The following SYNE2 variants were observed in gnomAD, a reference collection of about 807,000 sequenced individuals.
The protein encoded by SYNE2 is nesprin-2.
A neutral mutation model predicts 856.3 loss-of-function variants in SYNE2; 431 were observed. That is an observed-to-expected ratio of 0.50 (90% CI 0.47 to 0.55). SYNE2 has a LOEUF of 0.55. Among genes scored for constraint, SYNE2 ranks in the 20% least tolerant of loss-of-function variants. The pLI is 0.00. For missense variants in SYNE2, 8,129 were observed against 8,023.2 expected (o/e 1.01, Z -0.50); for synonymous variants, 2,923 against 2,872.3 (o/e 1.02, Z -0.56).
At chr14:63,984,002 G>C (rs2096605945) in intron 18 of SYNE2, 116 bp downstream of exon 18, 1 of 751,286 alleles carries the variant, frequency 1.3e-6, no homozygotes, top group Non-Finnish European at 2.1e-6. Flanking sequence ...AGCACTTTGG[G>C]AGGACAAAAC....
chr14:63,905,572 C>T (rs749140870), intron 1 of SYNE2, among the ~76,000 whole-genome samples: 12 of 151,954 alleles, frequency 7.9e-5, no homozygotes, highest in South Asian at 2.1e-4. Context: ...CTATTGTAAA[C>T]GGGATTATGT....
intron 1 of SYNE2, among the ~76,000 whole-genome samples, chr14:63,779,611 T>A (rs2356994): frequency 0.13 from 19,885 of 151,792 alleles, 1,641 homozygotes; most frequent in African/African-American, 0.24. Context: ...CGAATGCAAA[T>A]AAATAAATAA....
rs1218902930 is a variant in SYNE2 at position 63,840,425 on chromosome 14, TCCTTCCTTCCTTCCTTCCTTCCTTCCTC to T, written c.-304-12072_-304-12045del. ...TTCCTTCCTTCCTTCCTTCCTTCCTTCCTTCCTTCCTTCCTTCCTTCCTTCCTCCCTCCCTCCCTCCTTCCTTCCTTTT... is the reference window on the plus strand; with the variant it reads ...TTCCTTCCTTCCTTCCTTCCTTCCTTCCTCCCTCCCTCCTTCCTTCCTTTT... On this transcript the variant is annotated intron_variant, in intron 1 of 23. Transcript: ENST00000674003. Among the ~76,000 whole-genome samples the T allele has an allele frequency of 1.9e-4, 17 of 89,648 alleles. 1 individual carries two copies. In the South Asian group the frequency reaches 4.5e-3, roughly 24 times the overall value. 58.8% of individuals were successfully genotyped at this position (89,648 alleles called of 152,430 possible). A position where few individuals can be genotyped will look rare whatever the true frequency, so the allele number is the denominator to read the frequency against.
At chr14:64,206,472 C>G (rs1450529712) in intron 100 of SYNE2, among the ~76,000 whole-genome samples, 4 of 151,028 alleles carry the variant, frequency 2.6e-5, no homozygotes, top group Admixed American at 2.6e-4. Context: ...TTTTTTTGTA[C>G]AAGGTAACTA....
At chr14:63,896,551 C>T (rs376375568) in intron 1 of SYNE2, among the ~76,000 whole-genome samples, 1 of 152,090 alleles carries the variant, frequency 6.6e-6, no homozygotes, top group African/African-American at 2.4e-5. Context: ...GGTTAGATTC[C>T]TTGGCAGGAA....
At position 64,210,095 on chromosome 14, in the gene SYNE2, C is replaced by T. The variant is rs772056587; in HGVS notation, c.18694C>T (p.Arg6232Trp). ...GNQRWDNLQRRVTAVLRRLRH... is the reference protein window; with the variant it reads ...GNQRWDNLQRWVTAVLRRLRH... ...CCAGCGCTGGGACAACCTTCAGAGGCGGGTCACAGCCGTCCTGCGGAGACT... is the reference window on the plus strand; with the variant it reads ...CCAGCGCTGGGACAACCTTCAGAGGTGGGTCACAGCCGTCCTGCGGAGACT... Residue 6232 changes from arginine to tryptophan, a missense_variant, in exon 103 of 116, where the codon CGG becomes TGG. Transcript: ENST00000555002. 2.5e-6 allele frequency: 4 copies of T among 1,613,818 alleles called. No individual in the cohort carries two copies. Among genetic ancestry groups the T allele is most frequent in the Non-Finnish European group, 3.4e-6 (4 of 1,179,930 alleles).
intron 49 of SYNE2, among the ~76,000 whole-genome samples, chr14:64,056,999 AT>A (rs1340326270): frequency 6.6e-6 from 1 of 151,290 alleles, no homozygotes; most frequent in Non-Finnish European, 1.5e-5. Context: ...TTAATTTTTA[AT>A]TTTTGTGAGT....
chr14:64,062,156 T>C (rs1282550238), intron 49 of SYNE2, among the ~76,000 whole-genome samples: 1 of 152,170 alleles, frequency 6.6e-6, no homozygotes, highest in East Asian at 1.9e-4. Context: ...ACAGTTCTTT[T>C]CTTGATTGTA....
At chr14:64,053,764 G>C (rs1567167829) in intron 48 of SYNE2, 107 bp downstream of exon 48, 1 of 1,111,852 alleles carries the variant, frequency 9.0e-7, no homozygotes. Context: ...GCCAAGTAGA[G>C]ACCAGCCTGG....
intron 8 of SYNE2, among the ~76,000 whole-genome samples, chr14:63,959,086 G>T (rs2096275576): frequency 6.6e-6 from 1 of 152,000 alleles, no homozygotes. Flanking sequence ...TCTCCAAGGA[G>T]CCCTGGCTCT....
chr14:64,216,457 A>G (rs1420997034), intron 108 of SYNE2, 70 bp downstream of exon 108: 2 of 1,557,740 alleles, frequency 1.3e-6, no homozygotes, highest in East Asian at 4.5e-5. Context: ...AGAGAGAGAG[A>G]TTTTGGTGTA....
At chr14:64,021,616 G>T in intron 36 of SYNE2, 101 bp downstream of exon 36, 1 of 1,467,228 alleles carries the variant, frequency 6.8e-7, no homozygotes, top group South Asian at 1.2e-5. Context: ...AAAAAAAGTC[G>T]AAGAAGAAAA....
At position 64,051,948 on chromosome 14, in the gene SYNE2, T is replaced by A. The variant is rs757326762; in HGVS notation, c.8035T>A (p.Phe2679Ile). Reference sequence around the variant, plus strand: ...TGACCTCCAGGCTACCAAGCATGGATTTTCTGTTTTAAAGGGGCAAGCTGA... The same window carrying A: ...TGACCTCCAGGCTACCAAGCATGGAATTTCTGTTTTAAAGGGGCAAGCTGA... ...TTDLQATKHG[F>I]SVLKGQAELQ... Residue 2679 changes from phenylalanine (F) to isoleucine (I), a missense_variant, in exon 48 of 116, where the codon TTT becomes ATT. By Grantham distance (21) the Phe-to-Ile change is conservative. Coordinates refer to ENST00000555002, the MANE Select transcript of SYNE2 (RefSeq NM_182914.3). 4.3e-6 allele frequency: 7 copies of A among 1,613,828 alleles called. No individual in the cohort carries two copies. In the South Asian group the frequency reaches 7.7e-5, roughly 18 times the overall value.
chr14:63,887,749 C>CTTTTT (rs11450102), intron 1 of SYNE2, among the ~76,000 whole-genome samples: 9 of 108,272 alleles, frequency 8.3e-5, no homozygotes, highest in African/African-American at 2.0e-4. Flanking sequence ...GTGAGTCCTG[C>CTTTTT]TTTTTTTTTT....
At chr14:64,140,920 C>T (rs1445573600) in intron 80 of SYNE2, among the ~76,000 whole-genome samples, 1 of 150,886 alleles carries the variant, frequency 6.6e-6, no homozygotes, top group African/African-American at 2.4e-5. Flanking sequence ...TTTCATACTT[C>T]GTAGCTATGA....
intron 89 of SYNE2, among the ~76,000 whole-genome samples, chr14:64,164,874 TTTTG>T (rs1555520749): frequency 0.023 from 3,447 of 150,946 alleles, 48 homozygotes; most frequent in African/African-American, 0.038. Flanking sequence ...TTTTGTTTTT[TTTTG>T]TTTGTTTGTT....
In SYNE2 at chr14:64,141,338, T is replaced by C. The variant is rs1443706164; in HGVS notation, c.14977-3T>C. 5 of 1,612,202 alleles carry C rather than the reference T, an allele frequency of 3.1e-6. No individual in the cohort carries two copies. Among genetic ancestry groups the C allele is most frequent in the South Asian group, 1.1e-5 (1 of 90,578 alleles). On this transcript the variant is annotated splice_region_variant and splice_polypyrimidine_tract_variant and intron_variant, in intron 80 of 115. Transcript: ENST00000555002. ...GTTTCTAAATTTTAAAACTCTCCTTTAGGAGTTTTCAAAAGAAGTTGATGA... is the reference window on the plus strand; with the variant it reads ...GTTTCTAAATTTTAAAACTCTCCTTCAGGAGTTTTCAAAAGAAGTTGATGA...
intron 1 of SYNE2, among the ~76,000 whole-genome samples, chr14:63,875,149 G>A (rs960224442): frequency 6.6e-6 from 1 of 152,088 alleles, no homozygotes; most frequent in African/African-American, 2.4e-5. Flanking sequence ...TTGGGCTCAA[G>A]TGATCCTCCT....
chr14:63,780,972 A>ATGATACCC (rs2139736320), intron 1 of SYNE2, among the ~76,000 whole-genome samples: 1 of 152,208 alleles, frequency 6.6e-6, no homozygotes, highest in South Asian at 2.1e-4. Flanking sequence ...TAGTTGTTAA[A>ATGATACCC]TGATACCCTT....
Sources: gnomAD v4.1 joint callset for allele counts (sites outside exome capture counted in the v4.1 genomes callset) on GRCh38, gnomAD v4.1.1 for gene constraint, MANE v1.5 for transcripts, NCBI Gene and HGNC (gene_info 2026-07-23, HGNC 2026-07-21) for gene names.